The following SBNO2 variants were observed in gnomAD, a reference collection of about 807,000 sequenced individuals.
SBNO2 encodes protein strawberry notch homolog 2.
Under a neutral mutation model 146.3 loss-of-function variants are expected in SBNO2, and 89 were observed. The observed-to-expected ratio is 0.61, with a 90% CI of 0.51 to 0.73. The LOEUF is 0.73. Among genes scored for constraint, SBNO2 ranks in the 30% least tolerant of loss-of-function variants. The pLI is 0.00. For synonymous variants in SBNO2, 1,147 were observed against 892.6 expected (o/e 1.29, Z -5.08); for missense variants, 2,092 against 2,003.7 (o/e 1.04, Z -0.84).
chr19:1,147,434 G>A lies in SBNO2; in HGVS notation c.168-14C>T, dbSNP rs764528439. 5.3e-6 allele frequency: 6 copies of A among 1,133,374 alleles called. No homozygotes were observed. The highest frequency in any genetic ancestry group is 3.2e-5 in the South Asian group (2 of 63,222). 70.2% of individuals were successfully genotyped at this position (1,133,374 alleles called of 1,614,324 possible). On this transcript the variant is annotated splice_polypyrimidine_tract_variant and intron_variant, in intron 3 of 31. Coordinates refer to ENST00000361757, the MANE Select transcript of SBNO2 (RefSeq NM_014963.3). ...CTCATGAACGGGCTGGAGGGAGATG[G>A]GGGGGGGGGAGGTGAGATGGGGTGC...
At chr19:1,139,031 C>T (rs374860484) in intron 4 of SBNO2, among the ~76,000 whole-genome samples, 62 of 152,314 alleles carry the variant, frequency 4.1e-4, no homozygotes, top group African/African-American at 1.4e-3. Flanking sequence ...TACCTCCACG[C>T]GTCTATCATG....
intron 19 of SBNO2, 126 bp from the exon 20 acceptor site, chr19:1,113,075 G>T: frequency 8.5e-7 from 1 of 1,178,122 alleles, no homozygotes; most frequent in Non-Finnish European, 1.2e-6. Flanking sequence ...CGGGAGGTGG[G>T]GGTGCTGGGA....
In SBNO2 at chr19:1,150,649, G is replaced by T. The variant is rs1380947888; in HGVS notation, c.94-1207C>A. ...GGGGCCACGCTGGCTTCCAGAACAG[G>T]GTTGGGGGTTCGCCTGCTTCCCTGA... On this transcript the variant is annotated intron_variant, in intron 2 of 31. Transcript: ENST00000361757. The surrounding 1 kb of genome is among the most constrained non-coding windows in gnomAD (Gnocchi z 6.2). Among the ~76,000 whole-genome samples, 1 of 152,134 alleles carries T rather than the reference G, an allele frequency of 6.6e-6. No homozygotes were observed. Among genetic ancestry groups the T allele is most frequent in the Non-Finnish European group, 1.5e-5 (1 of 68,002 alleles).
At position 1,122,666 on chromosome 19, in the gene SBNO2, T is replaced by A; in HGVS notation, c.906A>T (p.Lys302Asn). 1 of 1,482,966 alleles carries A rather than the reference T, an allele frequency of 6.7e-7. No homozygotes were observed. The highest frequency in any genetic ancestry group is 9.0e-7 in the Non-Finnish European group (1 of 1,115,762). The allele number at this position is 1,482,966 out of a possible 1,614,324, so 91.9% of individuals were successfully genotyped here. A position where few individuals can be genotyped will look rare whatever the true frequency, so the allele number is the denominator to read the frequency against. The part of the protein sequence containing the change: ...ILENHLRGRK[K>N]ALWFSVSNDL... ...CCCAGGCAGGGCCTCACCACAATGC[T>A]TTCTTCCGGCCGCGCAGGTGGTTCT... is the stretch of plus-strand genomic sequence containing the variant. Residue 302 changes from lysine to asparagine, a missense_variant, in exon 9 of 32, where the codon AAA (lysine) becomes AAT (asparagine). Coordinates refer to ENST00000361757, the MANE Select transcript of SBNO2 (RefSeq NM_014963.3).
chr19:1,128,260 G>A (rs528987545), intron 4 of SBNO2: 21 of 480,850 alleles, frequency 4.4e-5, no homozygotes, highest in East Asian at 1.2e-4. Context: ...TGAGCAGCTC[G>A]GGTCTGGGGT....
chr19:1,116,378 CA>C (rs1307721205), intron 16 of SBNO2, among the ~76,000 whole-genome samples: 1 of 140,972 alleles, frequency 7.1e-6, no homozygotes, highest in African/African-American at 2.7e-5. Context: ...AGGACAGGGG[CA>C]GGGGGCAGGG....
At chr19:1,165,251 G>A (rs2080401624) in intron 1 of SBNO2, among the ~76,000 whole-genome samples, 1 of 152,152 alleles carries the variant, frequency 6.6e-6, no homozygotes, top group Non-Finnish European at 1.5e-5. Flanking sequence ...CACCAGGCAT[G>A]GTCAGCACGG....
chr19:1,129,800 G>A (rs1284778015), intron 4 of SBNO2, among the ~76,000 whole-genome samples: 8 of 152,156 alleles, frequency 5.3e-5, no homozygotes, highest in East Asian at 1.9e-4. Context: ...CAGGCAGAGC[G>A]GAGGAGAGCT....
intron 23 of SBNO2, 108 bp downstream of exon 23, chr19:1,111,888 C>A (rs2079765854): frequency 9.0e-7 from 1 of 1,114,632 alleles, no homozygotes; most frequent in South Asian, 1.5e-5. Context: ...GACCACTGAG[C>A]CCCACGTTCT....
chr19:1,114,034 T>A (rs2079801157), intron 18 of SBNO2, among the ~76,000 whole-genome samples, 197 bp downstream of exon 18: 1 of 152,198 alleles, frequency 6.6e-6, no homozygotes, highest in Non-Finnish European at 1.5e-5. Context: ...GGGCCTCAGT[T>A]TCCCCCATCT....
chr19:1,114,566 C>T (rs2079808968), intron 17 of SBNO2, 144 bp from the exon 18 acceptor site: 7 of 664,784 alleles, frequency 1.1e-5, no homozygotes, highest in Non-Finnish European at 1.4e-5. Context: ...GCAAGCAGCT[C>T]AGCTGTTCTC....
intron 6 of SBNO2, 105 bp from the exon 7 acceptor site, chr19:1,123,744 C>T (rs770404230): frequency 9.2e-5 from 113 of 1,225,774 alleles, no homozygotes; most frequent in Non-Finnish European, 1.2e-4. Context: ...AGCTGAGTGA[C>T]CCAGGGGTGG....
rs915012091 is a variant in SBNO2 at position 1,157,449 on chromosome 19, C to A, written c.-126-3047G>T. Among the ~76,000 whole-genome samples the A allele has an allele frequency of 1.4e-4, 21 of 146,464 alleles. No individual in the cohort carries two copies. The highest frequency in any genetic ancestry group is 2.9e-4 in the Non-Finnish European group (19 of 65,834). ...TCCCCACGCGGCCCCGGTGACACGG[C>A]CCACCCCGAGCCTCAGAGCCACGGG... On this transcript the variant is annotated intron_variant, in intron 1 of 31. Coordinates refer to ENST00000361757, the MANE Select transcript of SBNO2 (RefSeq NM_014963.3). The surrounding 1 kb of genome is among the most constrained non-coding windows in gnomAD (Gnocchi z 6.8).
chr19:1,154,088 G>A (rs1449639774), intron 2 of SBNO2, 96 bp downstream of exon 2: 1 of 545,418 alleles, frequency 1.8e-6, no homozygotes, highest in Middle Eastern at 5.4e-4. Flanking sequence ...CGCGTCCACT[G>A]GGGCAGCATT....
chr19:1,155,170 G>T (rs948851566), intron 1 of SBNO2: 30 of 152,268 alleles, frequency 2.0e-4, no homozygotes, highest in African/African-American at 7.2e-4. Context: ...TGCCGAGGGC[G>T]GCAGGAAGGG....
intron 4 of SBNO2, chr19:1,132,221 TGGGTCGGCC>T (rs2080038102): frequency 7.5e-7 from 1 of 1,332,878 alleles, no homozygotes; most frequent in Non-Finnish European, 9.6e-7. Context: ...GCCCCAGCAT[TGGGTCGGCC>T]GGGGCGGACG....
intron 1 of SBNO2, among the ~76,000 whole-genome samples, chr19:1,164,830 G>A (rs867048121): frequency 1.4e-5 from 1 of 69,638 alleles, no homozygotes; most frequent in African/African-American, 5.7e-5. Flanking sequence ...GGAGGGAGGA[G>A]GAACAGGAGG....
At chr19:1,111,484 G>A in intron 24 of SBNO2, 22 bp downstream of exon 24, 1 of 1,502,832 alleles carries the variant, frequency 6.7e-7, no homozygotes, top group Non-Finnish European at 9.1e-7. Flanking sequence ...CTCCCAGGAA[G>A]ACCCCCACCA....
intron 4 of SBNO2, chr19:1,132,219 A>C: frequency 7.5e-7 from 1 of 1,338,182 alleles, no homozygotes; most frequent in Non-Finnish European, 9.6e-7. Context: ...CAGCCCCAGC[A>C]TTGGGTCGGC....
Sources: gnomAD v4.1 joint callset for allele counts (sites outside exome capture counted in the v4.1 genomes callset) on GRCh38, gnomAD v4.1.1 for gene constraint, Gnocchi (gnomAD v3.1) non-coding constraint, MANE v1.5 for transcripts, NCBI Gene and HGNC (gene_info 2026-07-23, HGNC 2026-07-21) for gene names.